RAD51D: variants seen among roughly 807,000 people sequenced by gnomAD.
RAD51D encodes RAD51 paralog D, also known as DNA repair protein RAD51 homolog 4.
RAD51D carries 38 observed loss-of-function variants against 44.1 expected under a neutral mutation model. That is an observed-to-expected ratio of 0.86 (90% CI 0.67 to 1.13). The LOEUF is 1.13. RAD51D is among the 50% of genes most tolerant of loss of function. RAD51D has a pLI of 0.00. For missense variants in RAD51D, 390 were observed against 414.0 expected, an observed-to-expected ratio of 0.94 and a Z score of 0.50; for synonymous variants, 141 against 166.6, an observed-to-expected ratio of 0.85 and a Z score of 1.18.
At chr17:35,119,267 C>G in intron 1 of RAD51D, 95 bp from the exon 2 acceptor site, 1 of 1,224,514 alleles carries the variant, frequency 8.2e-7, no homozygotes. Flanking sequence ...TCAATTCTAC[C>G]CCCCGGCAGG....
Position 35,119,707 on chromosome 17 carries a change from T to A in RAD51D, c.-94A>T. 7.8e-7 allele frequency: 1 copy of A among 1,287,954 alleles called. No homozygotes were observed. Among genetic ancestry groups the A allele is most frequent in the Non-Finnish European group, 1.1e-6 (1 of 900,254 alleles). The allele number at this position is 1,287,954 out of a possible 1,614,324, so 79.8% of individuals were successfully genotyped here. On this transcript the variant is annotated 5_prime_UTR_variant, in exon 1 of 10. Transcript: ENST00000345365. ...CAGACGCCCCTCCCCTACCCCTTCC[T>A]AGAGAGGACACAGGCGCGCTGGCTG...
intron 3 of RAD51D, among the ~76,000 whole-genome samples, chr17:35,112,276 CTG>C (rs2091686939): frequency 6.6e-6 from 1 of 151,908 alleles, no homozygotes; most frequent in South Asian, 2.1e-4. Flanking sequence ...TGGGGTTTCT[CTG>C]TGTTAGCCAG....
At chr17:35,118,423 C>T in intron 3 of RAD51D, 78 bp downstream of exon 3, 1 of 1,259,386 alleles carries the variant, frequency 7.9e-7, no homozygotes, top group Non-Finnish European at 1.2e-6. Context: ...CCCGTCTAGA[C>T]TCAAGCATCA....
Position 35,118,014 on chromosome 17 carries a change from TA to T in RAD51D, c.263+486del, listed in dbSNP as rs1203450360. On this transcript the variant is annotated intron_variant, in intron 3 of 9. Coordinates refer to ENST00000345365, the MANE Select transcript of RAD51D (RefSeq NM_002878.4). ...ATGCCTGCACATAGTAGGCACTCAG[TA>T]AATGTTCTCTCTTGCCATATCCTTA... Among the ~76,000 whole-genome samples, 7 of 152,316 alleles carry T rather than the reference TA, an allele frequency of 4.6e-5. No individual in the cohort carries two copies. In the South Asian group the frequency reaches 1.4e-3, roughly 32 times the overall value.
chr17:35,118,486 A>C lies in RAD51D; in HGVS notation c.263+15T>G. ...CTCCTGCCTCTCTCCTTCTTCCCCA[A>C]GTACACACACAAACCTGCCAATGCC... On this transcript the variant is annotated intron_variant, in intron 3 of 9. Coordinates refer to ENST00000345365, the MANE Select transcript of RAD51D (RefSeq NM_002878.4). The C allele has an allele frequency of 6.2e-7, 1 of 1,607,790 alleles. No homozygotes were observed. The highest frequency in any genetic ancestry group is 8.5e-7 in the Non-Finnish European group (1 of 1,174,352).
Position 35,098,970 on chromosome 17 carries a change from A to G in RAD51D, c.*1983T>C, listed in dbSNP as rs1362282266. 1 of 152,206 alleles carries G rather than the reference A, an allele frequency of 6.6e-6. No homozygotes were observed. The highest frequency in any genetic ancestry group is 1.5e-5 in the Non-Finnish European group (1 of 68,096). The allele number at this position is 152,206 out of a possible 1,614,324, so 9.4% of individuals were successfully genotyped here. On this transcript the variant is annotated 3_prime_UTR_variant, in exon 10 of 10. Transcript: ENST00000345365. ...GCGATTCTCCTGCCTCAGGCTCCCA[A>G]GTAGCAGGGACCACAGGTGCACATC...
chr17:35,111,847 G>A (rs1048409136), intron 3 of RAD51D, among the ~76,000 whole-genome samples: 1 of 152,092 alleles, frequency 6.6e-6, no homozygotes, highest in Non-Finnish European at 1.5e-5. Context: ...AATAGGAACT[G>A]CGTTAAATTA....
chr17:35,114,077 C>A (rs182981885), intron 3 of RAD51D, among the ~76,000 whole-genome samples: 3 of 152,168 alleles, frequency 2.0e-5, no homozygotes, highest in Non-Finnish European at 1.5e-5. Context: ...TCGAGACCAT[C>A]CCGGCTAACA....
chr17:35,108,868 CTT>C (rs35092882), intron 3 of RAD51D, among the ~76,000 whole-genome samples: 7,075 of 122,594 alleles, frequency 0.058, 415 homozygotes, highest in African/African-American at 0.18. Context: ...TTTTTCTTTT[CTT>C]TTTTTTTTTT....
chr17:35,109,385 A>G (rs1411967896), intron 3 of RAD51D, among the ~76,000 whole-genome samples: 1 of 152,226 alleles, frequency 6.6e-6, no homozygotes, highest in African/African-American at 2.4e-5. Flanking sequence ...GTTTTTGTAT[A>G]AACCCAAGTT....
At chr17:35,105,557 A>C (rs1293677838) in intron 6 of RAD51D, among the ~76,000 whole-genome samples, 1 of 152,144 alleles carries the variant, frequency 6.6e-6, no homozygotes, top group Non-Finnish European at 1.5e-5. Context: ...GTGAGAGGAA[A>C]AGTTTGAGAT....
chr17:35,112,303 C>T (rs2091687364), intron 3 of RAD51D, among the ~76,000 whole-genome samples: 1 of 152,092 alleles, frequency 6.6e-6, no homozygotes, highest in Non-Finnish European at 1.5e-5. Context: ...GTCTCGATCT[C>T]CTGACCTTGT....
intron 5 of RAD51D, 79 bp downstream of exon 5, chr17:35,106,909 C>T (rs2142431195): frequency 1.9e-6 from 3 of 1,607,712 alleles, no homozygotes; most frequent in Non-Finnish European, 2.6e-6. Flanking sequence ...GACTATTCAA[C>T]CCAAATTCTT....
At chr17:35,119,279 C>A in intron 1 of RAD51D, 107 bp from the exon 2 acceptor site, 1 of 1,124,004 alleles carries the variant, frequency 8.9e-7, no homozygotes, top group Non-Finnish European at 1.3e-6. Context: ...CCCGGCAGGC[C>A]GTCTCAGGAG....
At chr17:35,119,024 A>T in intron 2 of RAD51D, 87 bp downstream of exon 2, 1 of 1,302,198 alleles carries the variant, frequency 7.7e-7, no homozygotes, top group Non-Finnish European at 1.1e-6. Context: ...TGCTGGGATT[A>T]CAGGCATGAG....
At chr17:35,115,949 G>GAAGAAAGGA (rs2091735079) in intron 3 of RAD51D, among the ~76,000 whole-genome samples, 1 of 57,342 alleles carries the variant, frequency 1.7e-5, no homozygotes, top group African/African-American at 6.8e-5. Flanking sequence ...GAAAGAAAAG[G>GAAGAAAGGA]AAGAAAGGAA....
chr17:35,105,188 C>G (rs1041740841), intron 6 of RAD51D, among the ~76,000 whole-genome samples: 13 of 152,182 alleles, frequency 8.5e-5, no homozygotes, highest in African/African-American at 3.1e-4. Context: ...ACTTCTCCGG[C>G]CTTCACTCTT....
chr17:35,101,322 T>G lies in RAD51D; in HGVS notation c.782A>C (p.Lys261Thr), dbSNP rs1060502964. The G allele has an allele frequency of 1.2e-6, 2 of 1,614,154 alleles. No individual in the cohort carries two copies. Among genetic ancestry groups the G allele is most frequent in the Non-Finnish European group, 1.7e-6 (2 of 1,180,034 alleles). The change falls in exon 9 of 10, where the codon AAA (lysine) becomes ACA (threonine). Residue 261 changes from lysine to threonine, a missense_variant. By Grantham distance (78) the Lys-to-Thr change is moderately conservative (BLOSUM62 -1). Transcript: ENST00000345365. ...GCTCCAGGAGCGTCCGAGGGCAGGT[T>G]TGAGCCTCCCGCTGTCCCTGTCTCG... ...ITRDRDSGRL[K>T]PALGRSWSFV...
At chr17:35,106,941 G>A (rs781170313) in intron 5 of RAD51D, 47 bp downstream of exon 5, 1 of 1,613,954 alleles carries the variant, frequency 6.2e-7, no homozygotes, top group Non-Finnish European at 8.5e-7. Flanking sequence ...GGATAATGGG[G>A]TTTTCCTGTG....
Sources: gnomAD v4.1 joint callset for allele counts (sites outside exome capture counted in the v4.1 genomes callset) on GRCh38, gnomAD v4.1.1 for gene constraint, MANE v1.5 for transcripts, NCBI Gene and HGNC (gene_info 2026-07-23, HGNC 2026-07-21) for gene names.